ASGR1: variants seen among roughly 807,000 people sequenced by gnomAD.
ASGR1 encodes asialoglycoprotein receptor 1, also known as C-type lectin domain family 4 member H1.
A neutral mutation model predicts 33.1 loss-of-function variants in ASGR1; 35 were observed. The observed-to-expected ratio is 1.06, with a 90% CI of 0.81 to 1.40. The LOEUF is 1.40. ASGR1 is among the 40% of genes most tolerant of loss of function. The pLI, the probability that ASGR1 is intolerant of heterozygous loss-of-function variation, is 0.00. For missense variants in ASGR1, 396 were observed against 373.7 expected, an observed-to-expected ratio of 1.06 and a Z score of -0.49; for synonymous variants, 142 against 152.5, an observed-to-expected ratio of 0.93 and a Z score of 0.51.
At chr17:7,174,688 AACACACACACACAGACAATATACAAC>A (rs2069174629) in intron 5 of ASGR1, among the ~76,000 whole-genome samples, 1 of 146,096 alleles carries the variant, frequency 6.8e-6, no homozygotes, top group African/African-American at 2.5e-5. Context: ...AACACATCCT[AACACACACACACAGACAATATACAAC>A]ACACACACAC....
chr17:7,174,557 C>G, intron 5 of ASGR1, 97 bp from the exon 6 acceptor site: 1 of 1,279,608 alleles, frequency 7.8e-7, no homozygotes, highest in Non-Finnish European at 1.1e-6. Context: ...TGCTGGGACC[C>G]GAACACCCGT....
intron 1 of ASGR1, 184 bp downstream of exon 1, chr17:7,179,006 G>T: frequency 6.5e-6 from 1 of 154,896 alleles, no homozygotes; most frequent in Non-Finnish European, 1.4e-5. Flanking sequence ...CAACGTGCTG[G>T]GATTACAGGC....
In ASGR1 at chr17:7,176,882, C is replaced by A. The variant is rs1356314438; in HGVS notation, c.303G>T (p.Lys101Asn). 2 of 1,613,386 alleles carry A rather than the reference C, an allele frequency of 1.2e-6. No homozygotes were observed. Among genetic ancestry groups the A allele is most frequent in the Admixed American group, 1.7e-5 (1 of 60,012 alleles). ...LSTQGGNVGR[K>N]MKSLESQLEK... ...CCAGCTGGGACTCTAGCGACTTCATCTTTCTTCCCACATTGCCTCCTGCGG... is the reference window on the plus strand; with the variant it reads ...CCAGCTGGGACTCTAGCGACTTCATATTTCTTCCCACATTGCCTCCTGCGG... Residue 101 changes from lysine to asparagine, a missense_variant, in exon 5 of 9, where the codon AAG becomes AAT. Physicochemically the swap from Lys to Asn is moderately conservative, Grantham distance 94. Coordinates refer to ENST00000269299, the MANE Select transcript of ASGR1 (RefSeq NM_001671.5).
At chr17:7,176,467 AGACT>A (rs1034388232) in intron 5 of ASGR1, 147 of 391,130 alleles carry the variant, frequency 3.8e-4, no homozygotes, top group African/African-American at 5.9e-4. Flanking sequence ...TCATTCCCAC[AGACT>A]GTCTCACACA....
At position 7,173,945 on chromosome 17, in the gene ASGR1, G is replaced by A; in HGVS notation, c.701+16C>T. 1 of 1,613,966 alleles carries A rather than the reference G, an allele frequency of 6.2e-7. No individual in the cohort carries two copies. ...GAAGGCGGCCGGACCCAGGCCGAGG[G>A]AGGGCGCGCACTCACTTGAAGCCCG... On this transcript the variant is annotated intron_variant, in intron 8 of 8. Transcript: ENST00000269299. The surrounding 1 kb of genome is among the most constrained non-coding windows in gnomAD (Gnocchi z 4.7).
Position 7,174,309 on chromosome 17 carries a change from C to T in ASGR1, c.443-20G>A. 2 of 1,613,374 alleles carry T rather than the reference C, an allele frequency of 1.2e-6. No homozygotes were observed. Among genetic ancestry groups the T allele is most frequent in the Non-Finnish European group, 1.7e-6 (2 of 1,179,552 alleles). On this transcript the variant is annotated intron_variant, in intron 6 of 8. Transcript: ENST00000269299. ...CTGAGCCTGAGCGGGAGAAACGGGG[C>T]GCAGGGGCTAAGCGCTGCCCAGAGA...
chr17:7,175,945 AAC>A (rs1002982848), intron 5 of ASGR1, among the ~76,000 whole-genome samples: 5 of 145,956 alleles, frequency 3.4e-5, no homozygotes, highest in South Asian at 2.2e-4. Flanking sequence ...CCACACACGC[AAC>A]ACACACTAAC....
intron 2 of ASGR1, 200 bp downstream of exon 2, chr17:7,178,294 C>T: frequency 3.3e-6 from 2 of 603,904 alleles, no homozygotes; most frequent in Middle Eastern, 2.6e-4. Flanking sequence ...GCTTTGGGCA[C>T]CTGTCACCAA....
intron 5 of ASGR1, among the ~76,000 whole-genome samples, chr17:7,174,886 A>C (rs534165233): frequency 6.0e-5 from 9 of 149,756 alleles, no homozygotes; most frequent in African/African-American, 2.0e-4. Context: ...CCACATACAG[A>C]CAACACATAA....
At chr17:7,175,180 T>C (rs111067480) in intron 5 of ASGR1, among the ~76,000 whole-genome samples, 25,591 of 138,056 alleles carry the variant, frequency 0.19, 4,813 homozygotes, top group African/African-American at 0.49. Context: ...CCCTCACGCA[T>C]AACACACCTT....
At position 7,177,280 on chromosome 17, in the gene ASGR1, A is replaced by G; in HGVS notation, c.117T>C (p.Pro39=). The part of the protein sequence containing the change: ...QPLLQRLCSG[P]RLLLLSLGLS... Reference sequence around the variant, plus strand: ...GGCCCAGGGAGAGCAGGAGGAGGCGAGGTCCGGAGCAGAGACGCTGCAGGA... The same window carrying G: ...GGCCCAGGGAGAGCAGGAGGAGGCGGGGTCCGGAGCAGAGACGCTGCAGGA... Residue 39 remains proline (P), a synonymous_variant, in exon 3 of 9, where the codon CCT becomes CCC. Transcript: ENST00000269299. The G allele has an allele frequency of 6.2e-7, 1 of 1,613,586 alleles. No homozygotes were observed. The highest frequency in any genetic ancestry group is 8.5e-7 in the Non-Finnish European group (1 of 1,179,892).
rs763079626 is a variant in ASGR1, at chr17:7,174,239, A to G, written c.493T>C (p.Cys165Arg). 6.2e-7 allele frequency: 1 copy of G among 1,614,156 alleles called. No homozygotes were observed. The highest frequency in any genetic ancestry group is 8.5e-7 in the Non-Finnish European group (1 of 1,179,972). ...TTCCCGGAGCGAGAGAACCAGTAGC[A>G]GCTGCGCTCGTGCTCCACCCAGTTG... ...PVNWVEHERS[C>R]YWFSRSGKAW... Residue 165 changes from cysteine to arginine, a missense_variant, in exon 7 of 9, where the codon TGC becomes CGC. By Grantham distance (180) the Cys-to-Arg change is radical (BLOSUM62 -3). Transcript: ENST00000269299.
chr17:7,176,143 T>C (rs1279008787), intron 5 of ASGR1, among the ~76,000 whole-genome samples: 5 of 133,384 alleles, frequency 3.7e-5, no homozygotes, highest in Non-Finnish European at 7.9e-5. Context: ...CACACACCCA[T>C]CTCATTCTCA....
At chr17:7,176,785 C>G (rs1477908275) in intron 5 of ASGR1, 45 bp downstream of exon 5, 1 of 1,584,026 alleles carries the variant, frequency 6.3e-7, no homozygotes, top group South Asian at 1.1e-5. Context: ...CACATTCTCA[C>G]TCTCTTTCAC....
At chr17:7,178,132 T>C in intron 2 of ASGR1, 6 of 307,160 alleles carry the variant, frequency 2.0e-5, no homozygotes, top group Non-Finnish European at 3.8e-5. Flanking sequence ...ACGCACACGC[T>C]CGCACGACCG....
chr17:7,178,797 C>A (rs1468607686), intron 1 of ASGR1: 1 of 388,970 alleles, frequency 2.6e-6, no homozygotes, highest in Non-Finnish European at 4.4e-6. Flanking sequence ...AGTGCAGTGG[C>A]ATGATCTCAG....
chr17:7,174,295 C>A lies in ASGR1; in HGVS notation c.443-6G>T, dbSNP rs779782015. On this transcript the variant is annotated splice_region_variant and splice_polypyrimidine_tract_variant and intron_variant, in intron 6 of 8. Coordinates refer to ENST00000269299, the MANE Select transcript of ASGR1 (RefSeq NM_001671.5). ...GCAGCAGGTCCTTTCTGAGCCTGAGCGGGAGAAACGGGGCGCAGGGGCTAA... is the reference window on the plus strand; with the variant it reads ...GCAGCAGGTCCTTTCTGAGCCTGAGAGGGAGAAACGGGGCGCAGGGGCTAA... 6.8e-6 allele frequency: 11 copies of A among 1,613,356 alleles called. No individual in the cohort carries two copies. Among genetic ancestry groups the A allele is most frequent in the Admixed American group, 6.7e-5 (4 of 59,948 alleles).
chr17:7,175,956 A>G (rs1035425248), intron 5 of ASGR1, among the ~76,000 whole-genome samples: 2 of 147,230 alleles, frequency 1.4e-5, no homozygotes, highest in African/African-American at 5.1e-5. Flanking sequence ...ACACACACTA[A>G]CACACATACA....
chr17:7,175,801 C>A (rs915033472), intron 5 of ASGR1, among the ~76,000 whole-genome samples: 64 of 145,740 alleles, frequency 4.4e-4, no homozygotes, highest in African/African-American at 1.5e-3. Context: ...ACACACACTC[C>A]CTCTCATTCT....
Sources: allele counts gnomAD v4.1 joint callset (sites outside exome capture counted in the v4.1 genomes callset), GRCh38; gene constraint gnomAD v4.1.1; non-coding constraint Gnocchi (gnomAD v3.1); transcripts MANE v1.5; gene names NCBI Gene and HGNC (gene_info 2026-07-23, HGNC 2026-07-21).